Variants in HNF4A observed in about 807,000 individuals in gnomAD.
HNF4A encodes hepatocyte nuclear factor 4 alpha, also known as hepatocyte nuclear factor 4-alpha.
HNF4A carries 15 observed loss-of-function variants against 52.4 expected under a neutral mutation model. The observed-to-expected ratio is 0.29, with a 90% CI of 0.19 to 0.44. The LOEUF is 0.44. Among genes scored for constraint, HNF4A ranks in the 20% least tolerant of loss-of-function variants. The pLI is 1.00. For synonymous variants in HNF4A, 280 were observed against 264.4 expected, an observed-to-expected ratio of 1.06 and a Z score of -0.57; for missense variants, 479 against 647.2, an observed-to-expected ratio of 0.74 and a Z score of 2.82.
At chr20:44,383,082 T>C (rs1462838746) in intron 1 of HNF4A, among the ~76,000 whole-genome samples, 1 of 152,024 alleles carries the variant, frequency 6.6e-6, no homozygotes, top group Non-Finnish European at 1.5e-5. Context: ...GGTAGGAGGA[T>C]CATCTGAGCC....
At chr20:44,383,510 T>C (rs930002381) in intron 1 of HNF4A, among the ~76,000 whole-genome samples, 14 of 152,064 alleles carry the variant, frequency 9.2e-5, no homozygotes, top group Admixed American at 5.9e-4. Context: ...TTAGACAGCT[T>C]TGGGGATCCA....
At chr20:44,355,848 C>A (rs1410986201) in exon 1 of HNF4A, 1 of 1,611,638 alleles carries the variant, frequency 6.2e-7, no homozygotes. Context: ...GTGGAGAGTT[C>A]TTACGGTAAG....
chr20:44,418,861 C>CA, intron 6 of HNF4A, among the ~76,000 whole-genome samples: 1 of 152,266 alleles, frequency 6.6e-6, no homozygotes, highest in African/African-American at 2.4e-5. Flanking sequence ...CTTCAGCCTC[C>CA]ACCCGCCACG....
intron 1 of HNF4A, among the ~76,000 whole-genome samples, chr20:44,380,308 T>C (rs1474272981): frequency 6.6e-6 from 1 of 152,226 alleles, no homozygotes; most frequent in African/African-American, 2.4e-5. Flanking sequence ...ATTTTTTTGT[T>C]TTCTTGAGAC....
chr20:44,375,445 G>A (rs146072750), intron 1 of HNF4A, among the ~76,000 whole-genome samples: 156 of 151,222 alleles, frequency 1.0e-3, no homozygotes, highest in African/African-American at 3.5e-3. Flanking sequence ...GTTTTGTTGC[G>A]ATTGCTTTGG....
rs114967535 is a variant in HNF4A at position 44,376,284 on chromosome 20, T to G, written c.49+20431T>G. Among the ~76,000 whole-genome samples the G allele has an allele frequency of 3.9e-3, 586 of 152,098 alleles. 8 individuals carry two copies. Among genetic ancestry groups the G allele is most frequent in the African/African-American group, 0.012 (490 of 41,518 alleles). ...TGTCTCAAAGAAAAAAATATATATA[T>G]AGATTTCTAGATTTTTATCCACGGT... is the stretch of plus-strand genomic sequence containing the variant. On this transcript the variant is annotated intron_variant, in intron 1 of 9. Coordinates refer to the HNF4A transcript ENST00000316673.
At chr20:44,427,061 G>A (rs1600749099) in intron 8 of HNF4A, among the ~76,000 whole-genome samples, 1 of 152,192 alleles carries the variant, frequency 6.6e-6, no homozygotes, top group African/African-American at 2.4e-5. Context: ...TTTGTTGTGT[G>A]GGGCTGTCCT....
At chr20:44,367,939 G>T (rs539654008) in intron 1 of HNF4A, among the ~76,000 whole-genome samples, 3 of 151,386 alleles carry the variant, frequency 2.0e-5, no homozygotes, top group African/African-American at 7.3e-5. Flanking sequence ...ATCAAGGATT[G>T]TATTAGAAAA....
chr20:44,382,589 G>A (rs1485256135), intron 1 of HNF4A, among the ~76,000 whole-genome samples: 1 of 152,118 alleles, frequency 6.6e-6, no homozygotes, highest in East Asian at 1.9e-4. Context: ...AAAATTTTAA[G>A]TATTCATATT....
chr20:44,376,425 C>T (rs1417133528), intron 1 of HNF4A, among the ~76,000 whole-genome samples: 2 of 152,042 alleles, frequency 1.3e-5, no homozygotes, highest in African/African-American at 4.8e-5. Context: ...TTTATAATCT[C>T]ATTTCTCCTT....
At chr20:44,394,386 A>C (rs1325437862) in intron 1 of HNF4A, among the ~76,000 whole-genome samples, 7 of 152,156 alleles carry the variant, frequency 4.6e-5, no homozygotes, top group African/African-American at 1.7e-4. Flanking sequence ...GTGGTTTTCC[A>C]ACCCTCAAAT....
chr20:44,368,160 A>ATATATATATATT (rs1200638153), intron 1 of HNF4A, among the ~76,000 whole-genome samples: 4 of 27,780 alleles, frequency 1.4e-4, no homozygotes, highest in Non-Finnish European at 2.4e-4. Context: ...ATATATATAT[A>ATATATATATATT]TTTTTTTTTT....
intron 1 of HNF4A, among the ~76,000 whole-genome samples, chr20:44,376,740 G>T (rs2063089821): frequency 6.6e-6 from 1 of 152,128 alleles, no homozygotes; most frequent in South Asian, 2.1e-4. Context: ...CATTTTCACA[G>T]TTCTACCATA....
intron 1 of HNF4A, among the ~76,000 whole-genome samples, chr20:44,358,201 A>G (rs919426634): frequency 1.3e-5 from 2 of 149,894 alleles, no homozygotes; most frequent in Non-Finnish European, 3.0e-5. Flanking sequence ...TGAGCTTCAC[A>G]TGTTTTATCT....
upstream of HNF4A, among the ~76,000 whole-genome samples, chr20:44,398,957 T>C (rs558667762): frequency 7.9e-5 from 12 of 152,232 alleles, no homozygotes; most frequent in Non-Finnish European, 1.6e-4. Context: ...TATTCCTGGA[T>C]TGTGTGGGGA....
intron 3 of HNF4A, among the ~76,000 whole-genome samples, chr20:44,410,414 A>G (rs2063564805): frequency 1.3e-5 from 2 of 152,094 alleles, no homozygotes; most frequent in South Asian, 4.1e-4. Flanking sequence ...CAGAGTGACA[A>G]AGTGTTCAGT....
Position 44,428,426 on chromosome 20 carries a change from A to G in HNF4A, c.1221A>G (p.Thr407=). 6.2e-7 allele frequency: 1 copy of G among 1,614,084 alleles called. No homozygotes were observed. The highest frequency in any genetic ancestry group is 8.5e-7 in the Non-Finnish European group (1 of 1,180,008). Residue 407 remains threonine (T), a synonymous_variant, in exon 9 of 10, where the codon ACA becomes ACG. Coordinates refer to ENST00000316099, the MANE Select transcript of HNF4A (RefSeq NM_000457.6). ...GAACCAACGTCATCGTTGCCAACAC[A>G]ATGCCCACTCACCTCAGCAACGGAC...
At chr20:44,407,997 GAA>G in intron 3 of HNF4A, 2 of 224,514 alleles carry the variant, frequency 8.9e-6, no homozygotes, top group South Asian at 1.5e-4. Flanking sequence ...TAGAAAATGG[GAA>G]CAAGACCCCA....
chr20:44,414,746 T>C, intron 5 of HNF4A, 84 bp downstream of exon 5: 1 of 1,300,404 alleles, frequency 7.7e-7, no homozygotes, highest in Non-Finnish European at 1.1e-6. Flanking sequence ...GATATAGCCG[T>C]GGACTGGCTT....
Sources: gnomAD v4.1 joint callset for allele counts (sites outside exome capture counted in the v4.1 genomes callset) on GRCh38, gnomAD v4.1.1 for gene constraint, MANE v1.5 for transcripts, NCBI Gene and HGNC (gene_info 2026-07-23, HGNC 2026-07-21) for gene names.